Variants in PRICKLE1 observed in about 807,000 individuals in gnomAD.
PRICKLE1 encodes the protein prickle planar cell polarity protein 1.
A neutral mutation model predicts 70.2 loss-of-function variants in PRICKLE1; 14 were observed. The ratio of observed to expected loss-of-function variants is 0.20; its 90% confidence interval spans 0.13 to 0.31. The LOEUF (loss-of-function observed/expected upper bound fraction) is 0.31, where lower values mean the gene tolerates loss of function less well. PRICKLE1 is among the 10% of genes least tolerant of loss of function. The pLI, the probability that PRICKLE1 is intolerant of heterozygous loss-of-function variation, is 1.00. For missense variants in PRICKLE1, 821 were observed against 1,026.2 expected, an observed-to-expected ratio of 0.80 and a Z score of 2.73; for synonymous variants, 357 against 379.9, an observed-to-expected ratio of 0.94 and a Z score of 0.70.
At chr12:42,577,492 G>A (rs1223294531) in intron 1 of PRICKLE1, among the ~76,000 whole-genome samples, 1 of 152,104 alleles carries the variant, frequency 6.6e-6, no homozygotes, top group Non-Finnish European at 1.5e-5. Flanking sequence ...GAAATAGACT[G>A]TTAAAAAAAT....
chr12:42,568,285 C>T (rs565045306), intron 1 of PRICKLE1, among the ~76,000 whole-genome samples: 83 of 152,298 alleles, frequency 5.4e-4, no homozygotes, highest in African/African-American at 2.0e-3. Context: ...AGTCATCCTC[C>T]CACCTCAGCC....
chr12:42,468,599 AGT>A (rs1206343063), intron 5 of PRICKLE1, 25 bp downstream of exon 5: 28 of 1,603,938 alleles, frequency 1.7e-5, no homozygotes, highest in Non-Finnish European at 2.3e-5. Flanking sequence ...TATTTTTCCC[AGT>A]GTGAAAGGAT....
intron 1 of PRICKLE1, among the ~76,000 whole-genome samples, chr12:42,564,253 TAAAAAA>T (rs145741201): frequency 6.8e-5 from 1 of 14,750 alleles, no homozygotes; most frequent in Non-Finnish European, 1.3e-4. Flanking sequence ...AGACTCTGTC[TAAAAAA>T]AAAAAAAAAA....
intron 1 of PRICKLE1, among the ~76,000 whole-genome samples, chr12:42,478,842 T>C (rs1395800915): frequency 6.6e-6 from 1 of 152,112 alleles, no homozygotes; most frequent in Non-Finnish European, 1.5e-5. Context: ...TTCAAAATAG[T>C]TAAATAGCTA....
intron 1 of PRICKLE1, among the ~76,000 whole-genome samples, chr12:42,525,808 A>G (rs1042047794): frequency 4.6e-5 from 7 of 150,738 alleles, no homozygotes; most frequent in Non-Finnish European, 7.4e-5. Context: ...GAACAGAACC[A>G]CCTACATCAT....
intron 1 of PRICKLE1, among the ~76,000 whole-genome samples, chr12:42,477,464 ATGTG>A (rs1242662444): frequency 1.9e-5 from 2 of 107,752 alleles, no homozygotes; most frequent in African/African-American, 2.9e-5. Flanking sequence ...ATACGTATAT[ATGTG>A]TGTGTGTGTG....
At chr12:42,585,847 G>A (rs557421565) in intron 1 of PRICKLE1, among the ~76,000 whole-genome samples, 1 of 152,234 alleles carries the variant, frequency 6.6e-6, no homozygotes, top group East Asian at 1.9e-4. Flanking sequence ...CAGATGAAGC[G>A]CTACATTTCT....
At chr12:42,547,625 TA>T (rs997167233) in intron 1 of PRICKLE1, among the ~76,000 whole-genome samples, 2 of 152,210 alleles carry the variant, frequency 1.3e-5, no homozygotes, top group African/African-American at 4.8e-5. Flanking sequence ...CTGAATGGGA[TA>T]ACGTATACTA....
At chr12:42,546,661 G>A (rs933857274) in intron 1 of PRICKLE1, among the ~76,000 whole-genome samples, 1 of 152,138 alleles carries the variant, frequency 6.6e-6, no homozygotes, top group Admixed American at 6.5e-5. Context: ...GAATGAGGTG[G>A]GAGGATTGCT....
chr12:42,559,157 T>C (rs923084714), intron 1 of PRICKLE1, among the ~76,000 whole-genome samples: 1 of 152,234 alleles, frequency 6.6e-6, no homozygotes, highest in Non-Finnish European at 1.5e-5. Flanking sequence ...AATCACTTTT[T>C]CTTCCTTGTC....
chr12:42,488,676 G>T (rs183990560), intron 1 of PRICKLE1, among the ~76,000 whole-genome samples: 1 of 152,142 alleles, frequency 6.6e-6, no homozygotes, highest in African/African-American at 2.4e-5. Context: ...CTGTACCATG[G>T]CAACATATCC....
At chr12:42,477,462 A>ATGTG (rs1566090977) in intron 1 of PRICKLE1, among the ~76,000 whole-genome samples, 1 of 97,038 alleles carries the variant, frequency 1.0e-5, no homozygotes, top group East Asian at 3.0e-4. Context: ...ATATACGTAT[A>ATGTG]TATGTGTGTG....
At chr12:42,571,687 G>A (rs911025754) in intron 1 of PRICKLE1, among the ~76,000 whole-genome samples, 1 of 152,176 alleles carries the variant, frequency 6.6e-6, no homozygotes, top group Admixed American at 6.5e-5. Flanking sequence ...GGGTGTTTTG[G>A]TACTGATATT....
chr12:42,479,209 C>A (rs1386214329), intron 1 of PRICKLE1, among the ~76,000 whole-genome samples: 1 of 152,234 alleles, frequency 6.6e-6, no homozygotes, highest in Middle Eastern at 3.2e-3. Context: ...TAACCAGTGA[C>A]AAATGGAATT....
rs1264085772 is a variant in PRICKLE1 at position 42,535,781 on chromosome 12, C to T, written c.-49+53684G>A. ...CCTGGGCAACAGAGTGAGAACCTGT[C>T]TATTTAACAAGAAAGAAAGAAAAGA... On this transcript the variant is annotated intron_variant, in intron 1 of 7. Transcript: ENST00000345127. 1.3e-5 allele frequency among the ~76,000 whole-genome samples: 2 copies of T among 151,866 alleles called. 1 individual carries two copies. The highest frequency in any genetic ancestry group is 2.9e-5 in the Non-Finnish European group (2 of 67,970).
intron 5 of PRICKLE1, among the ~76,000 whole-genome samples, chr12:42,467,025 C>A (rs1431723606): frequency 6.6e-6 from 1 of 152,188 alleles, no homozygotes; most frequent in Non-Finnish European, 1.5e-5. Flanking sequence ...CACAAGGGCA[C>A]AACCACCATG....
intron 1 of PRICKLE1, among the ~76,000 whole-genome samples, chr12:42,560,768 T>TCACACACA (rs71084672): frequency 9.4e-5 from 12 of 127,744 alleles, no homozygotes; most frequent in African/African-American, 2.8e-4. Flanking sequence ...GCCCATCTTC[T>TCACACACA]CACACACACA....
chr12:42,566,682 A>G (rs1159689334), intron 1 of PRICKLE1, among the ~76,000 whole-genome samples: 2 of 152,150 alleles, frequency 1.3e-5, no homozygotes, highest in Admixed American at 1.3e-4. Context: ...CTTTAATTAA[A>G]TTTCTCTCTT....
At chr12:42,503,181 C>T (rs1250425543) in intron 1 of PRICKLE1, among the ~76,000 whole-genome samples, 1 of 152,172 alleles carries the variant, frequency 6.6e-6, no homozygotes, top group East Asian at 1.9e-4. Context: ...ACTGTGAAAT[C>T]AACACTTGTG....
Sources: allele counts gnomAD v4.1 joint callset (sites outside exome capture counted in the v4.1 genomes callset), GRCh38; gene constraint gnomAD v4.1.1; transcripts MANE v1.5; gene names NCBI Gene and HGNC (gene_info 2026-07-23, HGNC 2026-07-21).